KCNT2: variants seen among roughly 807,000 people sequenced by gnomAD.
KCNT2 encodes potassium sodium-activated channel subfamily T member 2, also known as potassium channel subfamily T member 2.
Under a neutral mutation model 153.8 loss-of-function variants are expected in KCNT2, and 67 were observed. The observed-to-expected ratio is 0.44, with a 90% CI of 0.36 to 0.53. The LOEUF (loss-of-function observed/expected upper bound fraction) is 0.53, where lower values mean the gene tolerates loss of function less well. KCNT2 is among the 20% of genes least tolerant of loss of function. KCNT2 has a pLI of 0.00. For missense variants in KCNT2, 975 were observed against 1,354.8 expected, an observed-to-expected ratio of 0.72 and a Z score of 4.40; for synonymous variants, 500 against 458.8, an observed-to-expected ratio of 1.09 and a Z score of -1.15.
chr1:196,281,875 G>A (rs916587369), intron 24 of KCNT2, among the ~76,000 whole-genome samples: 2 of 151,096 alleles, frequency 1.3e-5, no homozygotes, highest in African/African-American at 2.4e-5. Flanking sequence ...TCAGCCTCCC[G>A]AGTAGCTGGG....
At chr1:196,460,031 G>A (rs75443400) in intron 8 of KCNT2, among the ~76,000 whole-genome samples, 2,594 of 151,590 alleles carry the variant, frequency 0.017, 76 homozygotes, top group African/African-American at 0.059. Flanking sequence ...CTTTCTAACA[G>A]TTTCAGTAAT....
chr1:196,340,812 G>A (rs1327766923), intron 15 of KCNT2, among the ~76,000 whole-genome samples: 1 of 151,770 alleles, frequency 6.6e-6, no homozygotes, highest in East Asian at 1.9e-4. Flanking sequence ...AAACATGAGT[G>A]CATGTATACA....
chr1:196,526,404 A>G (rs1654215685), intron 1 of KCNT2, among the ~76,000 whole-genome samples: 1 of 151,316 alleles, frequency 6.6e-6, no homozygotes, highest in South Asian at 2.1e-4. Context: ...TAATTTACAT[A>G]CATACAGTAT....
chr1:196,361,848 C>G (rs1220625601), intron 14 of KCNT2, among the ~76,000 whole-genome samples: 1 of 152,036 alleles, frequency 6.6e-6, no homozygotes, highest in Non-Finnish European at 1.5e-5. Context: ...TGCCAACTAA[C>G]AATTAGCAAA....
intron 14 of KCNT2, among the ~76,000 whole-genome samples, chr1:196,352,699 A>G (rs564133993): frequency 9.2e-5 from 14 of 151,946 alleles, no homozygotes; most frequent in African/African-American, 3.1e-4. Context: ...TTGTGCCTCT[A>G]TTTCTGTCAG....
intron 1 of KCNT2, among the ~76,000 whole-genome samples, chr1:196,511,306 G>GT (rs908059156): frequency 6.6e-6 from 1 of 152,112 alleles, no homozygotes; most frequent in Non-Finnish European, 1.5e-5. Context: ...AGGAATTTCT[G>GT]TTTTGACAGG....
At chr1:196,513,814 A>G (rs758096934) in intron 1 of KCNT2, among the ~76,000 whole-genome samples, 5 of 152,224 alleles carry the variant, frequency 3.3e-5, no homozygotes, top group Non-Finnish European at 7.3e-5. Flanking sequence ...AGACCAAACA[A>G]CTGGTTCTAC....
intron 11 of KCNT2, 82 bp from the exon 12 acceptor site, chr1:196,423,195 C>A: frequency 1.2e-6 from 1 of 848,838 alleles, no homozygotes; most frequent in South Asian, 1.6e-5. Context: ...AGTCTTGAGT[C>A]CATATATTGC....
At position 196,236,001 on chromosome 1, in the gene KCNT2, T is replaced by G; in HGVS notation, c.3281A>C (p.Glu1094Ala). 6.3e-7 allele frequency: 1 copy of G among 1,593,210 alleles called. No homozygotes were observed. The highest frequency in any genetic ancestry group is 1.1e-5 in the South Asian group (1 of 90,548). ...LINPSPDTRIELNDVVYLIRP... is the reference protein window; with the variant it reads ...LINPSPDTRIALNDVVYLIRP... ...ATCAACTTACACAACATCATTCAGC[T>G]CTATTCTGGTATCTGGAGATGGGTT... The change falls in exon 27 of 28, where the codon GAG (glutamate) becomes GCG (alanine). Residue 1094 changes from glutamate (E) to alanine (A), a missense_variant. Coordinates refer to ENST00000294725, the MANE Select transcript of KCNT2 (RefSeq NM_198503.5).
At chr1:196,566,807 T>A (rs1401571685) in intron 1 of KCNT2, among the ~76,000 whole-genome samples, 2 of 152,138 alleles carry the variant, frequency 1.3e-5, no homozygotes, top group Admixed American at 1.3e-4. Flanking sequence ...TTAATATGGG[T>A]ACCTTCCAGG....
chr1:196,249,838 G>T (rs571889176), intron 26 of KCNT2, among the ~76,000 whole-genome samples: 1 of 151,826 alleles, frequency 6.6e-6, no homozygotes, highest in South Asian at 2.1e-4. Context: ...AATCAAGAAG[G>T]TAATCCCATT....
chr1:196,421,853 C>T (rs991534841), intron 12 of KCNT2, among the ~76,000 whole-genome samples: 4 of 151,972 alleles, frequency 2.6e-5, no homozygotes, highest in African/African-American at 9.7e-5. Context: ...CTGTTCCAGA[C>T]CTCTCTCCTT....
chr1:196,252,679 T>A (rs1429291300), intron 26 of KCNT2, among the ~76,000 whole-genome samples: 1 of 151,690 alleles, frequency 6.6e-6, no homozygotes, highest in Non-Finnish European at 1.5e-5. Flanking sequence ...ATATATTTAC[T>A]ATTTGGTCTA....
At chr1:196,355,272 G>A (rs984761170) in intron 14 of KCNT2, among the ~76,000 whole-genome samples, 4 of 150,988 alleles carry the variant, frequency 2.6e-5, no homozygotes, top group African/African-American at 9.7e-5. Context: ...TCCAATTCTT[G>A]AACAGCAGAA....
intron 23 of KCNT2, among the ~76,000 whole-genome samples, chr1:196,284,077 A>G (rs920753853): frequency 3.3e-5 from 5 of 149,568 alleles, no homozygotes; most frequent in Non-Finnish European, 5.9e-5. Context: ...TTAAAAATAC[A>G]AAAATTAGCC....
intron 19 of KCNT2, among the ~76,000 whole-genome samples, chr1:196,323,312 C>T (rs149136990): frequency 1.3e-5 from 2 of 151,976 alleles, no homozygotes; most frequent in East Asian, 3.9e-4. Flanking sequence ...AGAGCAAAAG[C>T]CTGGATCTTT....
At chr1:196,552,194 A>G (rs1327806127) in intron 1 of KCNT2, among the ~76,000 whole-genome samples, 4 of 151,498 alleles carry the variant, frequency 2.6e-5, no homozygotes, top group Non-Finnish European at 4.4e-5. Context: ...ATGGGAAATA[A>G]TAAACAACAG....
chr1:196,411,625 C>A (rs904279515), intron 12 of KCNT2, among the ~76,000 whole-genome samples: 1 of 151,552 alleles, frequency 6.6e-6, no homozygotes, highest in Non-Finnish European at 1.5e-5. Context: ...GTATTTTATT[C>A]TTTTTGAGGG....
intron 1 of KCNT2, among the ~76,000 whole-genome samples, chr1:196,499,961 TG>T (rs1236789578): frequency 6.6e-6 from 1 of 151,866 alleles, no homozygotes; most frequent in Non-Finnish European, 1.5e-5. Context: ...CTGGCTAAAA[TG>T]GTGAAACCCC....
Sources: gnomAD v4.1 joint callset for allele counts (sites outside exome capture counted in the v4.1 genomes callset) on GRCh38, gnomAD v4.1.1 for gene constraint, MANE v1.5 for transcripts, NCBI Gene and HGNC (gene_info 2026-07-23, HGNC 2026-07-21) for gene names.